Variants in RIPOR2 observed in about 807,000 individuals in gnomAD.
The protein encoded by RIPOR2 is RHO family interacting cell polarization regulator 2.
RIPOR2 carries 39 observed loss-of-function variants against 114.5 expected under a neutral mutation model. That is an observed-to-expected ratio of 0.34 (90% CI 0.26 to 0.44). The LOEUF (loss-of-function observed/expected upper bound fraction) is 0.44. Among genes scored for constraint, RIPOR2 ranks in the 20% least tolerant of loss-of-function variants. The pLI is 1.00. For synonymous variants in RIPOR2, 445 were observed against 484.4 expected (o/e 0.92, Z 1.07); for missense variants, 1,007 against 1,255.1 (o/e 0.80, Z 2.99).
At chr6:24,992,129 A>G (rs1774849842) in intron 1 of RIPOR2, among the ~76,000 whole-genome samples, 1 of 152,224 alleles carries the variant, frequency 6.6e-6, no homozygotes, top group Non-Finnish European at 1.5e-5. Context: ...TTAGGAAAGC[A>G]TTTGATAATG....
At chr6:24,824,552 T>A (rs1759990319) in intron 19 of RIPOR2, among the ~76,000 whole-genome samples, 1 of 152,242 alleles carries the variant, frequency 6.6e-6, no homozygotes, top group African/African-American at 2.4e-5. Flanking sequence ...TCCTCTTGTA[T>A]GAGCCAATGT....
intron 1 of RIPOR2, chr6:24,877,258 G>C: frequency 2.0e-6 from 2 of 985,392 alleles, no homozygotes; most frequent in Non-Finnish European, 2.4e-6. Flanking sequence ...AGAGAGAGAA[G>C]GACAAACAGC....
intron 17 of RIPOR2, 73 bp downstream of exon 17, chr6:24,830,436 T>C (rs1310593942): frequency 1.6e-6 from 2 of 1,282,628 alleles, no homozygotes; most frequent in Non-Finnish European, 1.1e-6. Context: ...AGGACCCCTC[T>C]CCCCCGACCC....
rs189141021 is a variant in RIPOR2, at chr6:24,988,196, A to G, written c.76+53655T>C. On this transcript the variant is annotated intron_variant, in intron 1 of 13. Transcript: ENST00000510784. ...TATTGTGAATAGCTTCTTTTTTTTT[A>G]TTTTATTTTTTGAGACAGAGTCTCT... Among the ~76,000 whole-genome samples the G allele has an allele frequency of 3.9e-3, 595 of 151,816 alleles. 5 individuals are homozygous for G. Among genetic ancestry groups the G allele is most frequent in the Admixed American group, 8.7e-3 (132 of 15,254 alleles).
chr6:24,859,303 C>T (rs749813094), intron 8 of RIPOR2, among the ~76,000 whole-genome samples: 1 of 152,070 alleles, frequency 6.6e-6, no homozygotes, highest in Non-Finnish European at 1.5e-5. Context: ...TGTTAGGCTG[C>T]GAGACTCTGC....
chr6:24,954,903 T>A (rs991869770), intron 1 of RIPOR2, among the ~76,000 whole-genome samples: 4 of 152,244 alleles, frequency 2.6e-5, no homozygotes, highest in Non-Finnish European at 5.9e-5. Context: ...GACATTTTGG[T>A]GGCTGTGCAG....
At chr6:24,810,347 T>C (rs1273732729) in intron 20 of RIPOR2, among the ~76,000 whole-genome samples, 1 of 152,224 alleles carries the variant, frequency 6.6e-6, no homozygotes, top group African/African-American at 2.4e-5. Flanking sequence ...GAGCTTGCTT[T>C]TCCAGAGTAG....
chr6:24,903,964 G>A (rs939427024), intron 1 of RIPOR2, among the ~76,000 whole-genome samples: 6 of 152,170 alleles, frequency 3.9e-5, no homozygotes, highest in Non-Finnish European at 5.9e-5. Flanking sequence ...ACTCAGCATC[G>A]TCCCAACCCC....
intron 18 of RIPOR2, among the ~76,000 whole-genome samples, chr6:24,826,122 T>A (rs545533768): frequency 5.9e-5 from 9 of 152,214 alleles, no homozygotes; most frequent in African/African-American, 2.2e-4. Context: ...AGATGGGGTT[T>A]CACCATGTTG....
At position 24,858,257 on chromosome 6, in the gene RIPOR2, C is replaced by T. The variant is rs1206305315; in HGVS notation, c.715+2716G>A. Among the ~76,000 whole-genome samples the T allele has an allele frequency of 6.6e-6, 1 of 152,186 alleles. No homozygotes were observed. The highest frequency in any genetic ancestry group is 1.5e-5 in the Non-Finnish European group (1 of 68,036). Reference sequence around the variant, plus strand: ...GCAGTCATCAGAATGCAGTCAAGTGCCTGGCCAATAGCAGGCACTCAGTAA... The same window carrying T: ...GCAGTCATCAGAATGCAGTCAAGTGTCTGGCCAATAGCAGGCACTCAGTAA... On this transcript the variant is annotated intron_variant, in intron 8 of 21. Transcript: ENST00000643898. This position sits in a 1 kb window ranked among gnomAD's most constrained non-coding sequence, Gnocchi z 4.0.
At position 24,918,616 on chromosome 6, in the gene RIPOR2, C is replaced by T. The variant is rs374893813; in HGVS notation, c.61+17222G>A. ...CTATTGCTTAAAACTTTGTCACTGA[C>T]TGTTAAACTTCAAAATCTTCATGGA... On this transcript the variant is annotated intron_variant, in intron 1 of 21. Transcript: ENST00000643898. Among the ~76,000 whole-genome samples, 7 of 152,196 alleles carry T rather than the reference C, an allele frequency of 4.6e-5. No individual in the cohort carries two copies. In the East Asian group the frequency reaches 1.3e-3, roughly 29 times the overall value.
At chr6:24,851,761 A>C (rs982995967) in intron 9 of RIPOR2, among the ~76,000 whole-genome samples, 11 of 152,104 alleles carry the variant, frequency 7.2e-5, no homozygotes, top group Non-Finnish European at 1.2e-4. Flanking sequence ...AAAAAAAAAA[A>C]AAACCTGCTT....
At chr6:25,015,388 T>G (rs1310142669) in intron 1 of RIPOR2, 1 of 152,200 alleles carries the variant, frequency 6.6e-6, no homozygotes, top group Non-Finnish European at 1.5e-5. Flanking sequence ...ACACATCAGC[T>G]TCTGAAATGA....
In RIPOR2 at chr6:24,836,809, T is replaced by TACACAC. The variant is rs10623077; in HGVS notation, c.2040-944_2040-939dup. On this transcript the variant is annotated intron_variant, in intron 14 of 21. Coordinates refer to ENST00000643898, the MANE Select transcript of RIPOR2 (RefSeq NM_001286445.3). ...CATAGCAGCCAATACATATTTAAAA[T>TACACAC]ACACACACACACACACACACACTCT... Among the ~76,000 whole-genome samples, 7 of 150,664 alleles carry TACACAC rather than the reference T, an allele frequency of 4.6e-5. No homozygotes were observed. The East Asian group carries it at 5.9e-4, about 13-fold the overall frequency.
chr6:24,998,776 G>A (rs1775159046), intron 1 of RIPOR2, among the ~76,000 whole-genome samples: 1 of 152,206 alleles, frequency 6.6e-6, no homozygotes. Flanking sequence ...TTGTGGAACA[G>A]GAATTCCAAT....
intron 1 of RIPOR2, among the ~76,000 whole-genome samples, chr6:24,913,374 G>A (rs1769820610): frequency 6.6e-6 from 1 of 152,192 alleles, no homozygotes; most frequent in Non-Finnish European, 1.5e-5. Flanking sequence ...AACGTGTGGA[G>A]TATGGAAGGT....
chr6:25,016,203 G>A (rs567386267), intron 1 of RIPOR2, among the ~76,000 whole-genome samples: 86 of 152,036 alleles, frequency 5.7e-4, no homozygotes, highest in African/African-American at 1.6e-3. Flanking sequence ...ACCACTCCCC[G>A]TCCTAAAAAT....
intron 1 of RIPOR2, among the ~76,000 whole-genome samples, chr6:24,985,370 AT>A (rs11300406): frequency 0.65 from 98,201 of 151,224 alleles, 32,201 homozygotes; most frequent in East Asian, 0.82. Context: ...AGACCAAGTG[AT>A]TTTTTTTTTT....
At chr6:24,913,164 TGTGTG>T (rs1244512855) in intron 1 of RIPOR2, among the ~76,000 whole-genome samples, 1 of 151,656 alleles carries the variant, frequency 6.6e-6, no homozygotes, top group Non-Finnish European at 1.5e-5. Flanking sequence ...TGTGTGTGTG[TGTGTG>T]TGTGTGTGTA....
Sources: allele counts gnomAD v4.1 joint callset (sites outside exome capture counted in the v4.1 genomes callset), GRCh38; gene constraint gnomAD v4.1.1; non-coding constraint Gnocchi (gnomAD v3.1); transcripts MANE v1.5; gene names NCBI Gene and HGNC (gene_info 2026-07-23, HGNC 2026-07-21).